Variants in CTNNA3 observed in about 807,000 individuals in gnomAD.
The protein encoded by CTNNA3 is catenin alpha-3.
CTNNA3 carries 76 observed loss-of-function variants against 95.7 expected under a neutral mutation model. The observed-to-expected ratio is 0.79, with a 90% CI of 0.66 to 0.96. The LOEUF (loss-of-function observed/expected upper bound fraction) is 0.96, where lower values mean the gene tolerates loss of function less well. Among genes scored for constraint, CTNNA3 ranks in the 40% least tolerant of loss-of-function variants. CTNNA3 has a pLI of 0.00. For missense variants in CTNNA3, 1,191 were observed against 1,089.8 expected (o/e 1.09, Z -1.31); for synonymous variants, 431 against 374.4 (o/e 1.15, Z -1.74).
chr10:66,111,328 A>T (rs1376270466), intron 13 of CTNNA3, among the ~76,000 whole-genome samples: 1 of 152,166 alleles, frequency 6.6e-6, no homozygotes, highest in East Asian at 1.9e-4. Context: ...CTTCCTGTAC[A>T]GCCTGTGGAA....
At chr10:66,284,593 C>G (rs551393757) in intron 12 of CTNNA3, among the ~76,000 whole-genome samples, 2 of 151,912 alleles carry the variant, frequency 1.3e-5, no homozygotes, top group Non-Finnish European at 2.9e-5. Flanking sequence ...CCTTCTTAAT[C>G]CTTGATAAAT....
intron 10 of CTNNA3, among the ~76,000 whole-genome samples, chr10:66,532,737 A>G (rs968101314): frequency 6.6e-6 from 1 of 152,172 alleles, no homozygotes; most frequent in African/African-American, 2.4e-5. Flanking sequence ...AAAGGACAAC[A>G]CGTATATGAA....
At chr10:66,879,610 T>C (rs191040502) in intron 7 of CTNNA3, among the ~76,000 whole-genome samples, 24 of 152,070 alleles carry the variant, frequency 1.6e-4, no homozygotes, top group Middle Eastern at 6.8e-3. Context: ...ATAAGACAAA[T>C]ACCCATGAAG....
Position 67,180,375 on chromosome 10 carries a change from G to C in CTNNA3, c.989C>G (p.Ala330Gly). The C allele has an allele frequency of 6.2e-7, 1 of 1,613,774 alleles. No individual in the cohort carries two copies. Among genetic ancestry groups the C allele is most frequent in the Non-Finnish European group, 8.5e-7 (1 of 1,179,876 alleles). ...TRDLHRERII[A>G]ECNAIRQALQ... ...AGCCTGGCGAATGGCGTTGCATTCTGCGATAATCCGCTCTCGGTGTAAGTC... is the reference window on the plus strand; with the variant it reads ...AGCCTGGCGAATGGCGTTGCATTCTCCGATAATCCGCTCTCGGTGTAAGTC... Residue 330 changes from alanine (A) to glycine (G), a missense_variant, in exon 7 of 18, where the codon GCA (alanine) becomes GGA (glycine). By Grantham distance (60) the Ala-to-Gly change is moderately conservative (BLOSUM62 0). Coordinates refer to ENST00000433211, the MANE Select transcript of CTNNA3 (RefSeq NM_013266.4).
chr10:67,717,830 A>G (rs1035619799), intron 1 of CTNNA3, among the ~76,000 whole-genome samples: 3 of 152,202 alleles, frequency 2.0e-5, no homozygotes, highest in African/African-American at 7.2e-5. Flanking sequence ...TGAAATTTAA[A>G]GTAGTTTTTT....
chr10:67,068,802 G>A (rs1856252835), intron 7 of CTNNA3, among the ~76,000 whole-genome samples: 1 of 152,228 alleles, frequency 6.6e-6, no homozygotes, highest in Non-Finnish European at 1.5e-5. Context: ...GCTTACGCCT[G>A]TAATCCCAGC....
intron 5 of CTNNA3, among the ~76,000 whole-genome samples, chr10:67,307,380 G>A (rs1007341979): frequency 2.6e-5 from 4 of 152,098 alleles, no homozygotes; most frequent in South Asian, 4.1e-4. Flanking sequence ...ATAGCATATC[G>A]TCATATACTG....
rs1294069818 is a variant in CTNNA3, at chr10:67,063,732, C to T, written c.1047+116585G>A. Among the ~76,000 whole-genome samples the T allele has an allele frequency of 3.9e-5, 6 of 152,182 alleles. No individual in the cohort carries two copies. The South Asian group carries it at 1.0e-3, about 26-fold the overall frequency. ...ATGAGCCAAATGAGGGTTACTTGTACTCTATATAAACTCTTACATACTCTC... is the reference window on the plus strand; with the variant it reads ...ATGAGCCAAATGAGGGTTACTTGTATTCTATATAAACTCTTACATACTCTC... On this transcript the variant is annotated intron_variant, in intron 7 of 17. Coordinates refer to ENST00000433211, the MANE Select transcript of CTNNA3 (RefSeq NM_013266.4).
intron 13 of CTNNA3, among the ~76,000 whole-genome samples, chr10:66,267,134 A>T (rs1270613426): frequency 1.3e-5 from 2 of 152,076 alleles, no homozygotes; most frequent in East Asian, 3.9e-4. Context: ...ATGAATTTTG[A>T]ACACTCTATA....
intron 3 of CTNNA3, among the ~76,000 whole-genome samples, chr10:67,601,382 G>A (rs1022350354): frequency 6.6e-6 from 1 of 152,040 alleles, no homozygotes; most frequent in Non-Finnish European, 1.5e-5. Flanking sequence ...CTTCACATGC[G>A]CTGTTCACAA....
At chr10:66,642,573 C>T (rs1845558294) in intron 9 of CTNNA3, among the ~76,000 whole-genome samples, 1 of 152,066 alleles carries the variant, frequency 6.6e-6, no homozygotes, top group Non-Finnish European at 1.5e-5. Flanking sequence ...TGTGTGTTTA[C>T]CAGAGCTTTA....
At chr10:66,877,509 C>G (rs1428387427) in intron 7 of CTNNA3, among the ~76,000 whole-genome samples, 1 of 152,152 alleles carries the variant, frequency 6.6e-6, no homozygotes, top group Admixed American at 6.6e-5. Context: ...GAACTGTCAC[C>G]TATCAATGCT....
intron 3 of CTNNA3, among the ~76,000 whole-genome samples, chr10:67,557,252 G>T (rs12412867): frequency 0.028 from 4,250 of 152,218 alleles, 79 homozygotes; most frequent in South Asian, 0.1. Flanking sequence ...AAAGAAAGTT[G>T]GTGATATTCA....
intron 7 of CTNNA3, among the ~76,000 whole-genome samples, chr10:67,088,714 T>C (rs919618664): frequency 6.6e-5 from 10 of 152,096 alleles, no homozygotes; most frequent in African/African-American, 2.4e-4. Context: ...AATGAAGTTT[T>C]TGCACAAATA....
intron 11 of CTNNA3, among the ~76,000 whole-genome samples, chr10:66,384,162 A>C (rs1315538464): frequency 6.6e-6 from 1 of 152,174 alleles, no homozygotes; most frequent in Non-Finnish European, 1.5e-5. Context: ...ATGTTGGATA[A>C]AGAGTCAAAA....
chr10:67,213,185 A>G (rs1347837742), intron 6 of CTNNA3, among the ~76,000 whole-genome samples: 2 of 151,712 alleles, frequency 1.3e-5, no homozygotes, highest in East Asian at 1.9e-4. Context: ...GAATTTTTCC[A>G]TTTCATCCAA....
chr10:67,077,821 T>A (rs1304421156), intron 7 of CTNNA3, among the ~76,000 whole-genome samples: 2 of 152,018 alleles, frequency 1.3e-5, no homozygotes, highest in Non-Finnish European at 2.9e-5. Context: ...ATGAATGAAT[T>A]AATAAAGAGA....
chr10:66,268,666 G>A (rs978448800), intron 13 of CTNNA3, among the ~76,000 whole-genome samples: 1 of 152,262 alleles, frequency 6.6e-6, no homozygotes, highest in East Asian at 1.9e-4. Context: ...GAATGTTTAT[G>A]TGTTCATCAG....
At position 65,920,446 on chromosome 10, in the gene CTNNA3, A is replaced by G. The variant is rs2133105821; in HGVS notation, c.2572T>C (p.Leu858=). The change falls in exon 18 of 18, where the codon TTG becomes CTG. Residue 858 remains leucine, a synonymous_variant. Coordinates refer to ENST00000433211, the MANE Select transcript of CTNNA3 (RefSeq NM_013266.4). The part of the protein sequence containing the change: ...WRMKAPAKKP[L]IKREKPEETC... Reference sequence around the variant, plus strand: ...TCCTCTGGCTTCTCTCTTTTAATCAAGGGTTTTTTTGCAGGAGCCTTCATT... The same window carrying G: ...TCCTCTGGCTTCTCTCTTTTAATCAGGGGTTTTTTTGCAGGAGCCTTCATT... The G allele has an allele frequency of 1.2e-6, 2 of 1,614,006 alleles. No individual in the cohort carries two copies. Among genetic ancestry groups the G allele is most frequent in the Non-Finnish European group, 1.7e-6 (2 of 1,179,992 alleles).
Sources: gnomAD v4.1 joint callset for allele counts (sites outside exome capture counted in the v4.1 genomes callset) on GRCh38, gnomAD v4.1.1 for gene constraint, MANE v1.5 for transcripts, NCBI Gene and HGNC (gene_info 2026-07-23, HGNC 2026-07-21) for gene names.